Variants in TTC34 observed in about 807,000 individuals in gnomAD.
TTC34 encodes the protein tetratricopeptide repeat domain 34.
Under a neutral mutation model 40.7 loss-of-function variants are expected in TTC34, and 44 were observed. The observed-to-expected ratio is 1.08, with a 90% CI of 0.85 to 1.39. The LOEUF is 1.39. Among genes scored for constraint, TTC34 ranks in the 40% most tolerant of loss-of-function variants. The pLI is 0.00. For missense variants in TTC34, 884 were observed against 838.0 expected, an observed-to-expected ratio of 1.05 and a Z score of -0.68; for synonymous variants, 422 against 398.6, an observed-to-expected ratio of 1.06 and a Z score of -0.70.
Position 2,752,634 on chromosome 1 carries a change from C to A in TTC34, c.2226+30975G>T, listed in dbSNP as rs1220305548. Among the ~76,000 whole-genome samples the A allele has an allele frequency of 7.9e-5, 10 of 126,588 alleles. 3 individuals are homozygous for A. Among genetic ancestry groups the A allele is most frequent in the African/African-American group, 3.4e-4 (10 of 29,796 alleles). The allele number at this position is 126,588 out of a possible 152,430, so 83.0% of individuals were successfully genotyped here. On this transcript the variant is annotated intron_variant, in intron 6 of 8. Transcript: ENST00000401095. ...ACACCCCCAGGCGAGCATCTGACAC[C>A]CTGGAACTGCACACACACCCCCAGG...
Position 2,645,334 on chromosome 1 carries a change from G to C in TTC34, c.2456C>G (p.Pro819Arg), listed in dbSNP as rs1402280628. 2 of 1,520,574 alleles carry C rather than the reference G, an allele frequency of 1.3e-6. No individual in the cohort carries two copies. The highest frequency in any genetic ancestry group is 1.8e-6 in the Non-Finnish European group (2 of 1,137,132). The allele number at this position is 1,520,574 out of a possible 1,614,324, so 94.2% of individuals were successfully genotyped here. ...GTCTGCCAGGAGGAGGTGCCAGTGC[G>C]GTTGCCCTGAGTCGATTTTGATCAG... The change falls in exon 7 of 9, where the codon CCG becomes CGG. Residue 819 changes from proline (P) to arginine (R), a missense_variant. Coordinates refer to ENST00000401095, the Ensembl canonical transcript of TTC34. The surrounding 1 kb of genome is among the most constrained non-coding windows in gnomAD (Gnocchi z 4.7).
intron 5 of TTC34, 102 bp downstream of exon 5, chr1:2,785,717 T>C (rs1643576451): frequency 1.5e-6 from 2 of 1,317,112 alleles, no homozygotes; most frequent in South Asian, 1.5e-5. Flanking sequence ...CCCCTGCACC[T>C]GGGGAGCATG....
intron 2 of TTC34, among the ~76,000 whole-genome samples, chr1:2,799,035 T>C (rs866017058): frequency 0.068 from 1,544 of 22,580 alleles, no homozygotes; most frequent in African/African-American, 0.091. Context: ...CCCAGCCCCC[T>C]AGCCTCCCAG....
intron 6 of TTC34, among the ~76,000 whole-genome samples, chr1:2,683,481 G>A (rs1372684707): frequency 3.1e-5 from 3 of 95,270 alleles, no homozygotes; most frequent in Admixed American, 1.1e-4. Context: ...ACCACCAGGC[G>A]AGCATCTGAC....
Position 2,641,716 on chromosome 1 carries a change from G to A in TTC34, c.2892C>T (p.Leu964=), listed in dbSNP as rs892841795. The A allele has an allele frequency of 9.8e-6, 15 of 1,535,534 alleles. No individual in the cohort carries two copies. In the African/African-American group the frequency reaches 1.9e-4, roughly 20 times the overall value. The change falls in exon 9 of 9, where the codon CTC becomes CTT. Residue 964 remains leucine, a synonymous_variant. Coordinates refer to ENST00000401095, the Ensembl canonical transcript of TTC34. ...GGTCACCATCCCCCAGCGCCTCCTG[G>A]AGCACATGGTCCAGGTCCCTAAGGG...
intron 6 of TTC34, among the ~76,000 whole-genome samples, chr1:2,750,161 C>T (rs1301406244): frequency 0.064 from 4,059 of 63,152 alleles, no homozygotes; most frequent in East Asian, 0.14. Context: ...GCAGAACAAA[C>T]ACCCCCAGGC....
At chr1:2,751,153 G>A (rs1374601129) in intron 6 of TTC34, among the ~76,000 whole-genome samples, 2 of 107,606 alleles carry the variant, frequency 1.9e-5, no homozygotes, top group Non-Finnish European at 3.6e-5. Flanking sequence ...TGACACCCTG[G>A]AGCAGCACGC....
intron 6 of TTC34, among the ~76,000 whole-genome samples, chr1:2,688,395 G>T (rs1206349579): frequency 6.6e-6 from 1 of 151,982 alleles, no homozygotes; most frequent in African/African-American, 2.4e-5. Flanking sequence ...TGACAGCCTG[G>T]AACAGCACCC....
exon 2 of TTC34, chr1:2,800,550 A>T: frequency 2.5e-6 from 1 of 398,366 alleles, no homozygotes; most frequent in Non-Finnish European, 4.4e-6. Context: ...GGCGCCGAGG[A>T]AGGCAGAGGC....
At chr1:2,655,055 C>A (rs1293591721) in intron 6 of TTC34, among the ~76,000 whole-genome samples, 1 of 152,230 alleles carries the variant, frequency 6.6e-6, no homozygotes, top group African/African-American at 2.4e-5. Flanking sequence ...ACGCTGCACC[C>A]CCAAGTGAGC....
At position 2,760,298 on chromosome 1, in the gene TTC34, G is replaced by A. The variant is rs1350464167; in HGVS notation, c.2226+23311C>T. ...CAGCCACAACTCCAGGCGAGCATCT[G>A]ACAGCCTGGAACAGCACCGCACACC... On this transcript the variant is annotated intron_variant, in intron 6 of 8. Coordinates refer to ENST00000401095, the Ensembl canonical transcript of TTC34. Among the ~76,000 whole-genome samples the A allele has an allele frequency of 3.3e-5, 2 of 59,788 alleles. 1 individual carries two copies. The highest frequency in any genetic ancestry group is 5.5e-5 in the Non-Finnish European group (2 of 36,228). 39.2% of individuals were successfully genotyped at this position (59,788 alleles called of 152,430 possible).
chr1:2,643,017 G>A (rs1638939313), intron 8 of TTC34, among the ~76,000 whole-genome samples: 1 of 152,186 alleles, frequency 6.6e-6, no homozygotes, highest in African/African-American at 2.4e-5. Context: ...CGTAGTTCAC[G>A]GCCCGGGGTG....
chr1:2,654,034 G>C (rs1377770338), intron 6 of TTC34, among the ~76,000 whole-genome samples: 130 of 87,122 alleles, frequency 1.5e-3, no homozygotes, highest in South Asian at 4.2e-3. Flanking sequence ...CTGACAGCCT[G>C]GAGCAGTGCC....
chr1:2,769,591 T>G (rs1435779316), intron 6 of TTC34, among the ~76,000 whole-genome samples: 1 of 27,896 alleles, frequency 3.6e-5, no homozygotes, highest in Non-Finnish European at 6.9e-5. Context: ...ACCCCACACC[T>G]CCAGGGGGAG....
intron 6 of TTC34, among the ~76,000 whole-genome samples, chr1:2,767,763 G>A (rs1380024959): frequency 1.5e-5 from 2 of 136,216 alleles, no homozygotes; most frequent in African/African-American, 5.4e-5. Context: ...GCAGCACCCT[G>A]CACCCCCAGT....
chr1:2,675,296 C>T (rs1412151219), intron 6 of TTC34, among the ~76,000 whole-genome samples: 2 of 140,088 alleles, frequency 1.4e-5, no homozygotes, highest in African/African-American at 5.3e-5. Context: ...GGGTGAGCAT[C>T]TGACAGCCTG....
chr1:2,759,155 A>C, intron 6 of TTC34, among the ~76,000 whole-genome samples: 3 of 100,436 alleles, frequency 3.0e-5, no homozygotes, highest in Non-Finnish European at 5.7e-5. Flanking sequence ...CAGCACCCAC[A>C]CCCCCAGGCG....
At chr1:2,786,149 C>T (rs1269500585) in intron 4 of TTC34, 126 bp from the exon 5 acceptor site, 9 of 837,900 alleles carry the variant, frequency 1.1e-5, no homozygotes, top group Non-Finnish European at 1.5e-5. Context: ...GGTGCCAACG[C>T]TCCCAGTCCC....
At chr1:2,643,149 G>A (rs937287601) in intron 8 of TTC34, among the ~76,000 whole-genome samples, 1 of 152,200 alleles carries the variant, frequency 6.6e-6, no homozygotes. Context: ...GTGGGGAAGG[G>A]CGCTCAATCC....
Sources: gnomAD v4.1 joint callset for allele counts (sites outside exome capture counted in the v4.1 genomes callset) on GRCh38, gnomAD v4.1.1 for gene constraint, Gnocchi (gnomAD v3.1) non-coding constraint, MANE v1.5 for transcripts, NCBI Gene and HGNC (gene_info 2026-07-23, HGNC 2026-07-21) for gene names.